MICALL2: variants seen among roughly 807,000 people sequenced by gnomAD.
The protein encoded by MICALL2 is MICAL-like protein 2.
Under a neutral mutation model 91.1 loss-of-function variants are expected in MICALL2, and 111 were observed. The ratio of observed to expected loss-of-function variants is 1.22; its 90% CI spans 1.04 to 1.43. MICALL2 has a LOEUF of 1.43. Ranked by LOEUF, MICALL2 falls within the 40% of genes most tolerant of loss-of-function variation. The pLI is 0.00. For missense variants in MICALL2, 1,556 were observed against 1,236.0 expected, an observed-to-expected ratio of 1.26 and a Z score of -3.88; for synonymous variants, 694 against 525.3, an observed-to-expected ratio of 1.32 and a Z score of -4.39.
chr7:1,455,895 G>A (rs548689622), intron 1 of MICALL2, among the ~76,000 whole-genome samples: 3 of 152,124 alleles, frequency 2.0e-5, no homozygotes, highest in African/African-American at 7.2e-5. Context: ...GGTGGCAAGG[G>A]CGGGGCCTCA....
Position 1,459,380 on chromosome 7 carries a change from C to A in MICALL2, c.-54G>T. 7.5e-7 allele frequency: 1 copy of A among 1,335,214 alleles called. No homozygotes were observed. The highest frequency in any genetic ancestry group is 9.6e-7 in the Non-Finnish European group (1 of 1,040,556). The allele number at this position is 1,335,214 out of a possible 1,614,324, so 82.7% of individuals were successfully genotyped here. On this transcript the variant is annotated 5_prime_UTR_variant, in exon 1 of 17. Transcript: ENST00000297508. ...ACCGCCCTCCGACACCTTCCCGCGG[C>A]TGTGCCGCGACCGCCCGGCCGGCGG...
intron 9 of MICALL2, 29 bp downstream of exon 9, chr7:1,439,895 CG>C: frequency 1.4e-6 from 2 of 1,402,890 alleles, no homozygotes; most frequent in Non-Finnish European, 9.3e-7. Context: ...CTAGGCAACC[CG>C]GGGGCCCCTG....
intron 9 of MICALL2, 43 bp downstream of exon 9, chr7:1,439,882 C>T (rs1212704260): frequency 6.5e-6 from 9 of 1,387,658 alleles, no homozygotes; most frequent in Non-Finnish European, 8.4e-6. Context: ...GGGGGAGGGC[C>T]AGCTAGGCAA....
chr7:1,438,799 T>C (rs1420748541), intron 10 of MICALL2, 41 bp downstream of exon 10: 1 of 1,563,156 alleles, frequency 6.4e-7, no homozygotes, highest in African/African-American at 1.4e-5. Flanking sequence ...AAGGCTCCCT[T>C]CACGTACACC....
intron 1 of MICALL2, among the ~76,000 whole-genome samples, chr7:1,455,116 C>T (rs922579604): frequency 1.1e-4 from 17 of 152,248 alleles, no homozygotes; most frequent in Non-Finnish European, 1.9e-4. Context: ...CCACGCACAA[C>T]GCCTGCCCTC....
intron 15 of MICALL2, among the ~76,000 whole-genome samples, chr7:1,436,102 CTT>C (rs1437542347): frequency 6.6e-6 from 1 of 150,776 alleles, no homozygotes; most frequent in Admixed American, 6.6e-5. Context: ...AAAACTAAGA[CTT>C]TACGGCCAGT....
chr7:1,437,172 G>T, intron 14 of MICALL2: 1 of 483,128 alleles, frequency 2.1e-6, no homozygotes, highest in East Asian at 3.8e-5. Context: ...GCCTGGGCCT[G>T]TGCCCTCAGC....
chr7:1,453,807 G>A (rs756724050), intron 1 of MICALL2, among the ~76,000 whole-genome samples: 5 of 152,302 alleles, frequency 3.3e-5, no homozygotes, highest in African/African-American at 9.6e-5. Context: ...GACACACACC[G>A]TGGGCCAGGC....
Position 1,457,067 on chromosome 7 carries a change from C to G in MICALL2, c.143+2117G>C, listed in dbSNP as rs531229597. Among the ~76,000 whole-genome samples the G allele has an allele frequency of 2.0e-5, 3 of 152,328 alleles. No homozygotes were observed. The South Asian group carries it at 6.2e-4, about 32-fold the overall frequency. ...AGGAGGTTCTCGGGGAGGGTCCTTC[C>G]TGCCTCTTCCAGCCCAGGACACCCT... On this transcript the variant is annotated intron_variant, in intron 1 of 16. Transcript: ENST00000297508.
chr7:1,440,258 T>C, intron 8 of MICALL2, 173 bp from the exon 9 acceptor site: 1 of 757,682 alleles, frequency 1.3e-6, no homozygotes, highest in South Asian at 1.9e-5. Context: ...CAAACACACG[T>C]GTCCATCGCT....
rs766416943 is a variant in MICALL2 at position 1,437,871 on chromosome 7, C to A, written c.2402+19G>T. The A allele has an allele frequency of 3.9e-6, 6 of 1,546,022 alleles. No homozygotes were observed. On this transcript the variant is annotated intron_variant, in intron 13 of 16. Transcript: ENST00000297508. Reference sequence around the variant, plus strand: ...CGAGGTCCTGGCCTTCGAGGAGGGGCCCACGGCTGGGCTCTCACTTGTACA... The same window carrying A: ...CGAGGTCCTGGCCTTCGAGGAGGGGACCACGGCTGGGCTCTCACTTGTACA...
chr7:1,438,493 G>A (rs1169402077), intron 10 of MICALL2, 140 bp from the exon 11 acceptor site: 2 of 1,470,392 alleles, frequency 1.4e-6, no homozygotes, highest in East Asian at 2.5e-5. Context: ...ACGCCCACTG[G>A]ACTGCCCTGA....
chr7:1,446,847 C>G lies in MICALL2; in HGVS notation c.526-19G>C, dbSNP rs1353578945. On this transcript the variant is annotated intron_variant, in intron 4 of 16. Transcript: ENST00000297508. The stretch of plus-strand genomic sequence containing the variant: ...CCTGGTCCTGGGGAAGATGCCAGCA[C>G]CTCTCTGAGCAGCCGTCCACCCAGC... 5.2e-6 allele frequency: 8 copies of G among 1,524,090 alleles called. No homozygotes were observed. Among genetic ancestry groups the G allele is most frequent in the Non-Finnish European group, 7.1e-6 (8 of 1,124,570 alleles). The allele number at this position is 1,524,090 out of a possible 1,614,324, so 94.4% of individuals were successfully genotyped here.
chr7:1,440,550 A>G (rs924829087), intron 8 of MICALL2, 41 bp downstream of exon 8: 9 of 1,534,126 alleles, frequency 5.9e-6, no homozygotes, highest in African/African-American at 1.4e-5. Flanking sequence ...TTAAGCACCT[A>G]TGGTGTACCA....
At chr7:1,439,697 A>T (rs754702474) in intron 9 of MICALL2, 1 of 428,956 alleles carries the variant, frequency 2.3e-6, no homozygotes, top group Non-Finnish European at 4.1e-6. Flanking sequence ...GCACACATGC[A>T]TCACGCATGG....
intron 14 of MICALL2, 32 bp from the exon 15 acceptor site, chr7:1,436,888 C>T (rs1322647403): frequency 1.4e-6 from 2 of 1,456,178 alleles, no homozygotes; most frequent in Non-Finnish European, 1.8e-6. Context: ...AGGAGCCCCC[C>T]CCACCACTGC....
At chr7:1,442,580 C>A in intron 6 of MICALL2, 96 bp from the exon 7 acceptor site, 2 of 1,230,612 alleles carry the variant, frequency 1.6e-6, no homozygotes, top group Non-Finnish European at 2.2e-6. Flanking sequence ...AGCTCACTCC[C>A]AATGCCCAGC....
rs772024172 is a variant in MICALL2 at position 1,444,690 on chromosome 7, G to A, written c.1380C>T (p.Leu460=). The change falls in exon 6 of 17, where the codon CTC becomes CTT. Residue 460 remains leucine (L), a synonymous_variant. Coordinates refer to ENST00000297508, the MANE Select transcript of MICALL2 (RefSeq NM_182924.4). ...GAGCGCCAGCCTCTTCCAGCGCTGA[G>A]AGGGCCTGCTTGAGGAAGTTCCGCG... ...EQARNFLKQA[L]SALEEAGAPA... 1.2e-5 allele frequency: 19 copies of A among 1,612,082 alleles called. No homozygotes were observed. Among genetic ancestry groups the A allele is most frequent in the South Asian group, 4.4e-5 (4 of 91,070 alleles).
chr7:1,438,474 A>C, intron 10 of MICALL2, 121 bp from the exon 11 acceptor site: 1 of 1,486,624 alleles, frequency 6.7e-7, no homozygotes. Context: ...TGCCTCCCTA[A>C]TGCCCCACAC....
Sources: allele counts gnomAD v4.1 joint callset (sites outside exome capture counted in the v4.1 genomes callset), GRCh38; gene constraint gnomAD v4.1.1; transcripts MANE v1.5; gene names NCBI Gene and HGNC (gene_info 2026-07-23, HGNC 2026-07-21).